The following MAGI2 variants were observed in gnomAD, a reference collection of about 807,000 sequenced individuals.
The protein encoded by MAGI2 is membrane associated guanylate kinase, WW and PDZ domain containing 2.
Under a neutral mutation model 133.3 loss-of-function variants are expected in MAGI2, and 35 were observed. That is an observed-to-expected ratio of 0.26 (90% CI 0.20 to 0.35). The LOEUF is 0.35. Ranked by LOEUF, MAGI2 falls within the 10% of genes least tolerant of loss-of-function variation. The probability of loss-of-function intolerance (pLI) is 1.00; values close to 1 mark genes in which losing one functional copy is unlikely to be tolerated. For missense variants in MAGI2, 1,636 were observed against 1,863.4 expected (o/e 0.88, Z 2.25); for synonymous variants, 729 against 710.6 (o/e 1.03, Z -0.41).
chr7:78,739,718 G>A (rs995580163), intron 2 of MAGI2, among the ~76,000 whole-genome samples: 3 of 152,110 alleles, frequency 2.0e-5, no homozygotes, highest in African/African-American at 7.2e-5. Context: ...CAATTTCTTA[G>A]TTCTCTACGT....
chr7:78,838,641 A>G (rs978436222), intron 2 of MAGI2, among the ~76,000 whole-genome samples: 1 of 151,996 alleles, frequency 6.6e-6, no homozygotes, highest in Non-Finnish European at 1.5e-5. Context: ...ATGTACAAAT[A>G]TATTTTTGAT....
At chr7:78,515,970 A>G (rs117332393) in intron 4 of MAGI2, among the ~76,000 whole-genome samples, 482 of 152,330 alleles carry the variant, frequency 3.2e-3, no homozygotes, top group Non-Finnish European at 4.1e-3. Context: ...GCACATTATG[A>G]AAAGTTACCA....
chr7:78,573,284 T>TTTATATAAATATATATATATTTA (rs1563188898), intron 3 of MAGI2, among the ~76,000 whole-genome samples: 2 of 26,864 alleles, frequency 7.4e-5, no homozygotes, highest in East Asian at 1.4e-3. Context: ...ATATATATAT[T>TTTATATAAATATATATATATTTA]TATATAAATA....
At chr7:79,380,784 G>C (rs1843720600) in intron 1 of MAGI2, among the ~76,000 whole-genome samples, 1 of 151,742 alleles carries the variant, frequency 6.6e-6, no homozygotes, top group Non-Finnish European at 1.5e-5. Context: ...GATTAAGAGA[G>C]GTGGCTGCTG....
At chr7:79,383,029 T>C (rs535894992) in intron 1 of MAGI2, among the ~76,000 whole-genome samples, 73 of 151,798 alleles carry the variant, frequency 4.8e-4, no homozygotes, top group African/African-American at 1.7e-3. Flanking sequence ...TTCTTAAAGA[T>C]GACAGGACCA....
chr7:79,030,230 C>G (rs1302416038), intron 1 of MAGI2: 1 of 152,144 alleles, frequency 6.6e-6, no homozygotes, highest in Admixed American at 6.6e-5. Flanking sequence ...ACAATTTTGC[C>G]AAGATTTCTG....
chr7:78,332,534 T>C (rs1239539853), intron 9 of MAGI2, among the ~76,000 whole-genome samples: 1 of 152,042 alleles, frequency 6.6e-6, no homozygotes, highest in Non-Finnish European at 1.5e-5. Flanking sequence ...CCATCTCTAC[T>C]AAAAATAGAA....
At chr7:78,067,234 A>G (rs936169936) in intron 21 of MAGI2, among the ~76,000 whole-genome samples, 17 of 152,240 alleles carry the variant, frequency 1.1e-4, no homozygotes, top group Admixed American at 9.8e-4. Flanking sequence ...AGTGTCACAC[A>G]GCGAAGGCTC....
chr7:79,077,608 T>TG (rs1448322705), intron 1 of MAGI2, among the ~76,000 whole-genome samples: 1 of 113,550 alleles, frequency 8.8e-6, no homozygotes, highest in African/African-American at 3.3e-5. Context: ...AATAAATAAA[T>TG]AAATTCCCTT....
chr7:78,594,673 G>GTCTTGATC (rs1443536772), intron 3 of MAGI2, among the ~76,000 whole-genome samples: 7 of 152,204 alleles, frequency 4.6e-5, no homozygotes. Context: ...GGCCAGGATG[G>GTCTTGATC]TCTTGATCTC....
At chr7:78,476,549 T>G (rs1467724557) in intron 6 of MAGI2, among the ~76,000 whole-genome samples, 2 of 152,018 alleles carry the variant, frequency 1.3e-5, no homozygotes, top group East Asian at 3.9e-4. Context: ...ACATTGATTT[T>G]GCATTGCTGA....
chr7:78,435,592 A>G (rs1250095458), intron 6 of MAGI2, among the ~76,000 whole-genome samples: 3 of 152,154 alleles, frequency 2.0e-5, no homozygotes, highest in Non-Finnish European at 4.4e-5. Flanking sequence ...CTGCAAGCAG[A>G]AGTGATTGGA....
chr7:78,695,476 A>C (rs960256510), intron 2 of MAGI2, among the ~76,000 whole-genome samples: 3 of 152,122 alleles, frequency 2.0e-5, no homozygotes, highest in African/African-American at 7.2e-5. Flanking sequence ...TCAAATATCC[A>C]GTGGCAGCCT....
At chr7:78,889,382 C>T (rs534889124) in intron 2 of MAGI2, among the ~76,000 whole-genome samples, 1 of 152,222 alleles carries the variant, frequency 6.6e-6, no homozygotes, top group African/African-American at 2.4e-5. Context: ...CAGAGAATGC[C>T]ACAAAGATAC....
intron 1 of MAGI2, among the ~76,000 whole-genome samples, chr7:79,060,192 G>A (rs984681979): frequency 6.6e-6 from 1 of 151,962 alleles, no homozygotes; most frequent in Non-Finnish European, 1.5e-5. Flanking sequence ...CAAAGTTGAA[G>A]TTTAAGGTTT....
chr7:79,260,315 C>T (rs1340314402), intron 1 of MAGI2, among the ~76,000 whole-genome samples: 1 of 152,092 alleles, frequency 6.6e-6, no homozygotes, highest in Admixed American at 6.6e-5. Flanking sequence ...GAGATCGTGC[C>T]ACTGCACTCC....
At chr7:78,404,122 G>A (rs970679853) in intron 6 of MAGI2, among the ~76,000 whole-genome samples, 2 of 152,018 alleles carry the variant, frequency 1.3e-5, no homozygotes, top group Non-Finnish European at 2.9e-5. Flanking sequence ...TCCTTGTAAG[G>A]ACCTCTTCAA....
At chr7:78,348,045 T>A (rs544760332) in intron 7 of MAGI2, among the ~76,000 whole-genome samples, 1 of 152,194 alleles carries the variant, frequency 6.6e-6, no homozygotes, top group African/African-American at 2.4e-5. Flanking sequence ...TACTTAAACA[T>A]ATACTGTTCC....
intron 1 of MAGI2, among the ~76,000 whole-genome samples, chr7:79,061,564 T>C (rs892190472): frequency 6.6e-6 from 1 of 151,812 alleles, no homozygotes; most frequent in Non-Finnish European, 1.5e-5. Flanking sequence ...GAGGCAATAC[T>C]GAAAAAGAAG....
Sources: gnomAD v4.1 joint callset for allele counts (sites outside exome capture counted in the v4.1 genomes callset) on GRCh38, gnomAD v4.1.1 for gene constraint, MANE v1.5 for transcripts, NCBI Gene and HGNC (gene_info 2026-07-23, HGNC 2026-07-21) for gene names.